SYN2: variants seen among roughly 807,000 people sequenced by gnomAD.
SYN2 encodes synapsin-2.
A neutral mutation model predicts 50.9 loss-of-function variants in SYN2; 19 were observed. That is an observed-to-expected ratio of 0.37 (90% CI 0.26 to 0.55). The LOEUF is 0.55. Among genes scored for constraint, SYN2 ranks in the 20% least tolerant of loss-of-function variants. The pLI is 0.81. For synonymous variants in SYN2, 255 were observed against 224.9 expected (o/e 1.13, Z -1.20); for missense variants, 587 against 576.4 (o/e 1.02, Z -0.19).
chr3:12,136,549 C>G (rs1559434484), intron 1 of SYN2, among the ~76,000 whole-genome samples: 1 of 152,196 alleles, frequency 6.6e-6, no homozygotes, highest in East Asian at 1.9e-4. Context: ...CGTATTTAAG[C>G]TAGGCTTGCC....
intron 1 of SYN2, among the ~76,000 whole-genome samples, chr3:12,008,710 C>T (rs1258022111): frequency 6.6e-6 from 1 of 152,166 alleles, no homozygotes; most frequent in African/African-American, 2.4e-5. Context: ...CTTTACATAG[C>T]AGTGTAATAC....
At chr3:12,099,761 G>A (rs540371835) in intron 1 of SYN2, among the ~76,000 whole-genome samples, 4 of 152,078 alleles carry the variant, frequency 2.6e-5, no homozygotes, top group East Asian at 1.9e-4. Flanking sequence ...TCAGGAGATC[G>A]AGACCATCCT....
intron 1 of SYN2, among the ~76,000 whole-genome samples, chr3:12,012,158 C>A (rs1459823883): frequency 1.3e-5 from 2 of 150,840 alleles, no homozygotes; most frequent in Non-Finnish European, 2.9e-5. Context: ...GGCAATATAA[C>A]TTAGTTTTTT....
chr3:12,096,790 G>A (rs372534046), intron 1 of SYN2, among the ~76,000 whole-genome samples: 118 of 152,064 alleles, frequency 7.8e-4, no homozygotes, highest in African/African-American at 2.7e-3. Flanking sequence ...TACTAGAGAG[G>A]TTAAATAGAT....
At chr3:12,066,819 T>G (rs1404484293) in intron 1 of SYN2, among the ~76,000 whole-genome samples, 3 of 152,176 alleles carry the variant, frequency 2.0e-5, no homozygotes, top group African/African-American at 4.8e-5. Flanking sequence ...AGAAGTTTAA[T>G]TGTTGCACAA....
At chr3:12,054,004 G>C (rs1438617208) in intron 1 of SYN2, among the ~76,000 whole-genome samples, 4 of 152,102 alleles carry the variant, frequency 2.6e-5, no homozygotes, top group African/African-American at 4.8e-5. Context: ...CAATCCCAGG[G>C]CAGCAAGAAT....
intron 11 of SYN2, chr3:12,184,656 G>A (rs184227956): frequency 6.1e-6 from 6 of 985,932 alleles, no homozygotes; most frequent in Admixed American, 6.1e-5. Flanking sequence ...GCTTGTGTGT[G>A]TTTTGGACAG....
At chr3:12,095,891 A>G (rs1446811366) in intron 1 of SYN2, among the ~76,000 whole-genome samples, 2 of 152,078 alleles carry the variant, frequency 1.3e-5, no homozygotes, top group Admixed American at 1.3e-4. Flanking sequence ...AGTAAGACCT[A>G]TCCTTGAACT....
chr3:12,026,353 G>A (rs1414669166), intron 1 of SYN2, among the ~76,000 whole-genome samples: 1 of 151,830 alleles, frequency 6.6e-6, no homozygotes, highest in Non-Finnish European at 1.5e-5. Flanking sequence ...TCAACTTCGT[G>A]AAAGATCATG....
intron 11 of SYN2, chr3:12,184,938 T>A (rs1698307628): frequency 1.0e-6 from 1 of 985,576 alleles, no homozygotes; most frequent in African/African-American, 1.7e-5. Context: ...TATACTGTCA[T>A]GTCACCGTTC....
chr3:12,084,925 C>T (rs1173587636), intron 1 of SYN2, among the ~76,000 whole-genome samples: 1 of 151,780 alleles, frequency 6.6e-6, no homozygotes, highest in Non-Finnish European at 1.5e-5. Context: ...AAGTATACCA[C>T]TGCAGGAAAT....
intron 1 of SYN2, among the ~76,000 whole-genome samples, chr3:12,121,667 G>A (rs550713173): frequency 6.7e-6 from 1 of 148,398 alleles, no homozygotes. Flanking sequence ...AAGGAGAAAG[G>A]AAGGGAAGGA....
At chr3:12,043,368 CAAA>C (rs1694663935) in intron 1 of SYN2, among the ~76,000 whole-genome samples, 1 of 152,006 alleles carries the variant, frequency 6.6e-6, no homozygotes, top group African/African-American at 2.4e-5. Flanking sequence ...TTAAAGCCAC[CAAA>C]TTAGTGGTAA....
At chr3:12,034,450 G>C (rs559673567) in intron 1 of SYN2, among the ~76,000 whole-genome samples, 225 of 152,196 alleles carry the variant, frequency 1.5e-3, no homozygotes, top group African/African-American at 5.1e-3. Flanking sequence ...TAAAAATACT[G>C]TCTTAGTCTG....
intron 12 of SYN2, among the ~76,000 whole-genome samples, chr3:12,189,477 G>T (rs1698406584): frequency 6.6e-6 from 1 of 152,182 alleles, no homozygotes; most frequent in Non-Finnish European, 1.5e-5. Context: ...GCGCTCTTCT[G>T]AGGAGGGTTA....
intron 1 of SYN2, among the ~76,000 whole-genome samples, chr3:12,123,246 A>G (rs1190021368): frequency 6.6e-6 from 1 of 152,240 alleles, no homozygotes; most frequent in Non-Finnish European, 1.5e-5. Context: ...GAAGCACATC[A>G]AAGTTCCAGA....
At chr3:12,107,013 T>TTGTG (rs34550312) in intron 1 of SYN2, among the ~76,000 whole-genome samples, 9 of 150,130 alleles carry the variant, frequency 6.0e-5, no homozygotes, top group Non-Finnish European at 1.2e-4. Flanking sequence ...GTCTGTATGT[T>TTGTG]TGTGTGTGTG....
intron 11 of SYN2, chr3:12,184,836 TAACA>T: frequency 1.0e-6 from 1 of 985,820 alleles, no homozygotes; most frequent in Non-Finnish European, 1.2e-6. Context: ...CAGCCGCCTC[TAACA>T]AACACCATGG....
chr3:12,036,368 T>A (rs761643442), intron 1 of SYN2, among the ~76,000 whole-genome samples: 1 of 152,164 alleles, frequency 6.6e-6, no homozygotes, highest in African/African-American at 2.4e-5. Context: ...AGGAGGAGAT[T>A]GCCATGGCTC....
Sources: gnomAD v4.1 joint callset for allele counts (sites outside exome capture counted in the v4.1 genomes callset) on GRCh38, gnomAD v4.1.1 for gene constraint, MANE v1.5 for transcripts, NCBI Gene and HGNC (gene_info 2026-07-23, HGNC 2026-07-21) for gene names.